The following SGCZ variants were observed in gnomAD, a reference collection of about 807,000 sequenced individuals.
SGCZ encodes the protein sarcoglycan zeta.
In SGCZ, 40 loss-of-function variants were observed where a neutral mutation model predicts 41.3. The observed-to-expected ratio is 0.97, with a 90% CI of 0.75 to 1.26. SGCZ has a LOEUF of 1.26. Among genes scored for constraint, SGCZ ranks in the 50% most tolerant of loss-of-function variants. The probability of loss-of-function intolerance (pLI) is 0.00; values close to 1 mark genes in which losing one functional copy is unlikely to be tolerated. For synonymous variants in SGCZ, 206 were observed against 137.5 expected (o/e 1.50, Z -3.49); for missense variants, 552 against 369.8 (o/e 1.49, Z -4.04).
chr8:14,999,471 G>A (rs905803780), intron 1 of SGCZ, among the ~76,000 whole-genome samples: 1 of 152,114 alleles, frequency 6.6e-6, no homozygotes, highest in Non-Finnish European at 1.5e-5. Flanking sequence ...CAATAAAAAA[G>A]TAACATTTGC....
rs115380357 is a variant in SGCZ, at chr8:14,902,585, G to A, written c.39+335000C>T. On this transcript the variant is annotated intron_variant, in intron 1 of 7. Transcript: ENST00000382080. ...CTTTCTGGTTTTGGTGAATACCTTT[G>A]TACTCACCATAACATGAATATGGGA... is the stretch of plus-strand genomic sequence containing the variant. Among the ~76,000 whole-genome samples, 739 of 152,120 alleles carry A rather than the reference G, an allele frequency of 4.9e-3. 4 individuals are homozygous for A. Among genetic ancestry groups the A allele is most frequent in the African/African-American group, 0.017 (707 of 41,508 alleles).
chr8:14,822,240 T>A (rs1174893528), intron 1 of SGCZ, among the ~76,000 whole-genome samples: 1 of 152,074 alleles, frequency 6.6e-6, no homozygotes, highest in Middle Eastern at 3.2e-3. Flanking sequence ...TCATTTCTGA[T>A]AGCTACAAAA....
intron 1 of SGCZ, among the ~76,000 whole-genome samples, chr8:15,129,690 A>C: frequency 6.9e-6 from 1 of 144,684 alleles, no homozygotes; most frequent in South Asian, 2.2e-4. Context: ...GTTCGGGTAA[A>C]GTCAGAGAAG....
intron 1 of SGCZ, among the ~76,000 whole-genome samples, chr8:14,767,621 T>C (rs547428678): frequency 1.3e-5 from 2 of 152,214 alleles, no homozygotes; most frequent in Admixed American, 1.3e-4. Flanking sequence ...TGAACCATTC[T>C]CTTTATTTCA....
chr8:14,109,391 T>C (rs763531217), intron 5 of SGCZ, among the ~76,000 whole-genome samples: 1 of 152,150 alleles, frequency 6.6e-6, no homozygotes, highest in Non-Finnish European at 1.5e-5. Flanking sequence ...TAAGATGACA[T>C]TGAGAAAATC....
At chr8:14,895,070 T>C (rs78613382) in intron 1 of SGCZ, among the ~76,000 whole-genome samples, 20 of 152,330 alleles carry the variant, frequency 1.3e-4, no homozygotes, top group African/African-American at 4.8e-4. Context: ...GAATGATCTA[T>C]AATTTTGGTT....
At chr8:14,829,202 C>T (rs1454001666) in intron 1 of SGCZ, among the ~76,000 whole-genome samples, 1 of 152,094 alleles carries the variant, frequency 6.6e-6, no homozygotes, top group Non-Finnish European at 1.5e-5. Context: ...TCCACCCCAA[C>T]ACTCTGATAG....
intron 5 of SGCZ, among the ~76,000 whole-genome samples, chr8:14,156,219 T>G (rs1438426463): frequency 6.6e-6 from 1 of 152,150 alleles, no homozygotes; most frequent in Non-Finnish European, 1.5e-5. Context: ...CCTGTAATCC[T>G]GGCACTTTGG....
intron 2 of SGCZ, among the ~76,000 whole-genome samples, chr8:14,534,189 C>G (rs899158126): frequency 5.9e-5 from 9 of 151,918 alleles, no homozygotes; most frequent in East Asian, 5.9e-4. Context: ...CAGGTGAAAG[C>G]TGAAGTTATG....
At chr8:14,477,998 C>A (rs7009413) in intron 2 of SGCZ, among the ~76,000 whole-genome samples, 5,415 of 152,220 alleles carry the variant, frequency 0.036, 296 homozygotes, top group African/African-American at 0.12. Flanking sequence ...CAAGTAAGTG[C>A]AGAATAATTA....
intron 1 of SGCZ, among the ~76,000 whole-genome samples, chr8:15,132,754 T>C (rs1392128894): frequency 1.3e-5 from 2 of 152,182 alleles, no homozygotes; most frequent in African/African-American, 4.8e-5. Context: ...GTTTACACCA[T>C]GGCAGTCAGC....
chr8:14,265,213 C>T (rs965783237), intron 3 of SGCZ, among the ~76,000 whole-genome samples: 53 of 152,082 alleles, frequency 3.5e-4, no homozygotes, highest in African/African-American at 1.0e-3. Context: ...CCTGAGAATA[C>T]CAGTCATTGG....
At chr8:14,877,469 T>C (rs1050838717) in intron 1 of SGCZ, among the ~76,000 whole-genome samples, 2 of 152,230 alleles carry the variant, frequency 1.3e-5, no homozygotes, top group African/African-American at 4.8e-5. Context: ...TAAATCATGA[T>C]AATTGCTTTA....
intron 1 of SGCZ, among the ~76,000 whole-genome samples, chr8:15,154,352 G>C (rs1251180660): frequency 6.6e-6 from 1 of 152,134 alleles, no homozygotes; most frequent in Admixed American, 6.5e-5. Flanking sequence ...CTCTGGAAAG[G>C]AGCAAAAATG....
intron 1 of SGCZ, among the ~76,000 whole-genome samples, chr8:15,068,245 C>A (rs1805224260): frequency 6.6e-6 from 1 of 152,218 alleles, no homozygotes; most frequent in Non-Finnish European, 1.5e-5. Context: ...TTGTGATACT[C>A]ATCCTTTGTT....
chr8:14,579,394 C>G (rs1010173629), intron 1 of SGCZ, among the ~76,000 whole-genome samples: 2 of 152,164 alleles, frequency 1.3e-5, no homozygotes, highest in Non-Finnish European at 1.5e-5. Context: ...CATATCGAAA[C>G]AATGACTCAC....
chr8:14,146,128 T>G lies in SGCZ; in HGVS notation c.547+18452A>C, dbSNP rs561042304. ...CAAGCAGATTCAACCCAAAGAAGGGTTAAACTCTCAAGGCATTTAGTTATC... is the reference window on the plus strand; with the variant it reads ...CAAGCAGATTCAACCCAAAGAAGGGGTAAACTCTCAAGGCATTTAGTTATC... On this transcript the variant is annotated intron_variant, in intron 5 of 7. Coordinates refer to ENST00000382080, the MANE Select transcript of SGCZ (RefSeq NM_139167.4). Among the ~76,000 whole-genome samples the G allele has an allele frequency of 3.9e-5, 6 of 152,080 alleles. No homozygotes were observed. In the East Asian group the frequency reaches 1.2e-3, roughly 30 times the overall value.
At chr8:14,702,938 TA>T (rs1251655861) in intron 1 of SGCZ, among the ~76,000 whole-genome samples, 26 of 120,518 alleles carry the variant, frequency 2.2e-4, no homozygotes, top group African/African-American at 8.1e-4. Flanking sequence ...GATAGATAGA[TA>T]GATAGATAGA....
chr8:14,440,405 A>G (rs991397345), intron 2 of SGCZ, among the ~76,000 whole-genome samples: 3 of 152,126 alleles, frequency 2.0e-5, no homozygotes, highest in Admixed American at 6.6e-5. Context: ...GGTCTTCAAC[A>G]TTATTACATT....
Sources: allele counts gnomAD v4.1 joint callset (sites outside exome capture counted in the v4.1 genomes callset), GRCh38; gene constraint gnomAD v4.1.1; transcripts MANE v1.5; gene names NCBI Gene and HGNC (gene_info 2026-07-23, HGNC 2026-07-21).